The following UNC79 variants were observed in gnomAD, a reference collection of about 807,000 sequenced individuals.
UNC79 encodes the protein protein unc-79 homolog.
In UNC79, 37 loss-of-function variants were observed where a neutral mutation model predicts 283.1. The ratio of observed to expected loss-of-function variants is 0.13; its 90% CI spans 0.10 to 0.17. The LOEUF is 0.17. Ranked by LOEUF, UNC79 falls within the 10% of genes least tolerant of loss-of-function variation. The pLI is 1.00. For synonymous variants in UNC79, 1,107 were observed against 1,200.2 expected (o/e 0.92, Z 1.61); for missense variants, 2,272 against 3,211.1 (o/e 0.71, Z 7.07).
exon 1 of UNC79, chr14:93,333,274 T>A (rs1467174477): frequency 1.9e-5 from 6 of 323,704 alleles, no homozygotes; most frequent in Non-Finnish European, 2.7e-5. Context: ...TTGCCTCTTG[T>A]GGCAGCATCC....
chr14:93,604,454 A>C (rs1215274403), intron 26 of UNC79, among the ~76,000 whole-genome samples: 32 of 152,210 alleles, frequency 2.1e-4, no homozygotes, highest in Admixed American at 2.1e-3. Flanking sequence ...TCTTTAAGTA[A>C]TCAATAACAC....
chr14:93,432,731 C>T (rs2055926877), intron 1 of UNC79, among the ~76,000 whole-genome samples: 1 of 152,136 alleles, frequency 6.6e-6, no homozygotes. Context: ...GAACCTCCCA[C>T]TTGAGAATAT....
chr14:93,511,503 T>C (rs986536097), intron 7 of UNC79, among the ~76,000 whole-genome samples: 2 of 152,148 alleles, frequency 1.3e-5, no homozygotes, highest in African/African-American at 4.8e-5. Context: ...GCTGGAGTGT[T>C]GTGGTGCGAT....
At chr14:93,442,035 G>T (rs796336343) in intron 1 of UNC79, among the ~76,000 whole-genome samples, 2 of 152,112 alleles carry the variant, frequency 1.3e-5, no homozygotes, top group Admixed American at 6.6e-5. Flanking sequence ...TCGCCAACTT[G>T]AGTATTTTAA....
intron 35 of UNC79, among the ~76,000 whole-genome samples, chr14:93,653,389 C>T (rs928537147): frequency 6.6e-6 from 1 of 151,380 alleles, no homozygotes; most frequent in Non-Finnish European, 1.5e-5. Flanking sequence ...TGACACTTTC[C>T]TGGGAGGATT....
At chr14:93,540,592 C>A in intron 12 of UNC79, 68 bp from the exon 13 acceptor site, 1 of 1,552,418 alleles carries the variant, frequency 6.4e-7, no homozygotes, top group Non-Finnish European at 8.7e-7. Context: ...GGTACTTCCT[C>A]TGAATGGGTC....
chr14:93,600,544 T>G (rs1217024119), intron 24 of UNC79, 25 bp from the exon 25 acceptor site: 1 of 1,516,812 alleles, frequency 6.6e-7, no homozygotes, highest in Admixed American at 2.0e-5. Flanking sequence ...CTTCTTTTCT[T>G]TTTTTTTTTC....
intron 1 of UNC79, among the ~76,000 whole-genome samples, chr14:93,422,105 G>A (rs2055613308): frequency 6.6e-6 from 1 of 151,704 alleles, no homozygotes; most frequent in Non-Finnish European, 1.5e-5. Context: ...CTGATGATAT[G>A]GGCCCAAGGT....
intron 7 of UNC79, among the ~76,000 whole-genome samples, chr14:93,519,986 A>G (rs986342816): frequency 1.3e-5 from 2 of 151,932 alleles, no homozygotes; most frequent in East Asian, 3.8e-4. Context: ...CATACTTACC[A>G]TGTCCAACAC....
chr14:93,665,694 A>C (rs1958106), intron 40 of UNC79, among the ~76,000 whole-genome samples: 1 of 151,626 alleles, frequency 6.6e-6, no homozygotes, highest in East Asian at 1.9e-4. Context: ...TCAACAGCAC[A>C]ATAGAAGCCA....
chr14:93,569,088 C>G (rs1231728270), intron 14 of UNC79, among the ~76,000 whole-genome samples: 2 of 152,136 alleles, frequency 1.3e-5, no homozygotes, highest in African/African-American at 4.8e-5. Context: ...AAGTGAGGAG[C>G]CTCAATTCTG....
In UNC79 at chr14:93,447,740, T is replaced by A. The variant is rs1280205515; in HGVS notation, c.22+16689T>A. On this transcript the variant is annotated intron_variant, in intron 1 of 48. Transcript: ENST00000555664. ...TTATTTTGCTTTTATTCTTGAATAA[T>A]ATTTTTGCTGAATACAGGATTTTGC... Among the ~76,000 whole-genome samples, 12 of 152,182 alleles carry A rather than the reference T, an allele frequency of 7.9e-5. No individual in the cohort carries two copies. In the East Asian group the frequency reaches 2.3e-3, roughly 29 times the overall value.
rs531517314 is a variant in UNC79 at position 93,340,216 on chromosome 14, G to A, written c.-351+6693G>A. On this transcript the variant is annotated intron_variant, in intron 1 of 49. Coordinates refer to the UNC79 transcript ENST00000256339. ...CCAGCACTTTGGTAGGCCAAGGTGG[G>A]CGGATCGCGAGGTCAGGAGATCGAG... 6.6e-3 allele frequency among the ~76,000 whole-genome samples: 1,001 copies of A among 152,272 alleles called. 6 individuals carry two copies. Among genetic ancestry groups the A allele is most frequent in the Admixed American group, 0.011 (169 of 15,290 alleles).
intron 2 of UNC79, among the ~76,000 whole-genome samples, chr14:93,468,830 A>G (rs1393610332): frequency 6.6e-6 from 1 of 152,140 alleles, no homozygotes; most frequent in Non-Finnish European, 1.5e-5. Context: ...TGCTTATCAG[A>G]TTCATACATT....
intron 2 of UNC79, among the ~76,000 whole-genome samples, chr14:93,471,971 T>C (rs1240903398): frequency 1.3e-5 from 2 of 152,120 alleles, no homozygotes; most frequent in East Asian, 3.8e-4. Flanking sequence ...GAAAAAATAA[T>C]GTGTTTATTT....
chr14:93,594,279 T>TTTTTTTTTGAGACAGAG (rs1491102311), intron 23 of UNC79, among the ~76,000 whole-genome samples: 3 of 150,224 alleles, frequency 2.0e-5, no homozygotes, highest in African/African-American at 7.4e-5. Flanking sequence ...GTTTTTTGTG[T>TTTTTTTTTGAGACAGAG]TTTTTTTTGA....
chr14:93,692,348 TA>T (rs1331574372), intron 46 of UNC79, among the ~76,000 whole-genome samples: 1 of 152,192 alleles, frequency 6.6e-6, no homozygotes, highest in African/African-American at 2.4e-5. Flanking sequence ...ATATGAATAT[TA>T]AAAAAGCAAA....
At chr14:93,569,173 C>G (rs981919856) in intron 14 of UNC79, among the ~76,000 whole-genome samples, 1 of 152,164 alleles carries the variant, frequency 6.6e-6, no homozygotes, top group Non-Finnish European at 1.5e-5. Flanking sequence ...TGGTGGCTCA[C>G]GCCTGTAATC....
At chr14:93,353,198 C>T (rs17129021) in intron 1 of UNC79, among the ~76,000 whole-genome samples, 112,020 of 152,144 alleles carry the variant, frequency 0.74, 42,156 homozygotes, top group African/African-American at 0.87. Flanking sequence ...TGTGGAACTA[C>T]TTTATTTTTT....
Sources: gnomAD v4.1 joint callset for allele counts (sites outside exome capture counted in the v4.1 genomes callset) on GRCh38, gnomAD v4.1.1 for gene constraint, MANE v1.5 for transcripts, NCBI Gene and HGNC (gene_info 2026-07-23, HGNC 2026-07-21) for gene names.